The following TRPC4 variants were observed in gnomAD, a reference collection of about 807,000 sequenced individuals.
TRPC4 encodes the protein transient receptor potential cation channel subfamily C member 4, also known as short transient receptor potential channel 4.
In TRPC4, 49 loss-of-function variants were observed where a neutral mutation model predicts 99.4. That is an observed-to-expected ratio of 0.49 (90% CI 0.39 to 0.63). TRPC4 has a LOEUF of 0.63. Ranked by LOEUF, TRPC4 falls within the 20% of genes least tolerant of loss-of-function variation. TRPC4 has a pLI of 0.00. For missense variants in TRPC4, 898 were observed against 1,152.9 expected, an observed-to-expected ratio of 0.78 and a Z score of 3.20; for synonymous variants, 454 against 425.9, an observed-to-expected ratio of 1.07 and a Z score of -0.81.
intron 8 of TRPC4, among the ~76,000 whole-genome samples, chr13:37,649,746 AAAAAAAAAAAAAAACAAC>A (rs1951969691): frequency 1.4e-5 from 2 of 145,966 alleles, no homozygotes; most frequent in Admixed American, 7.0e-5. Context: ...AAAAAAAAAA[AAAAAAAAAAAAAAACAAC>A]AACAAAGAAC....
At chr13:37,766,386 A>T (rs758342780) in intron 2 of TRPC4, among the ~76,000 whole-genome samples, 11 of 150,236 alleles carry the variant, frequency 7.3e-5, no homozygotes, top group Non-Finnish European at 1.2e-4. Context: ...AACGAAATTA[A>T]CGCAAACTTT....
At chr13:37,668,807 G>C (rs1177199861) in intron 5 of TRPC4, among the ~76,000 whole-genome samples, 1 of 152,164 alleles carries the variant, frequency 6.6e-6, no homozygotes, top group Non-Finnish European at 1.5e-5. Flanking sequence ...GTTTTAATGT[G>C]TGCTTTACAT....
intron 3 of TRPC4, among the ~76,000 whole-genome samples, chr13:37,714,051 CCCT>C (rs1004690669): frequency 2.6e-5 from 4 of 151,296 alleles, no homozygotes; most frequent in African/African-American, 9.7e-5. Flanking sequence ...TTCCTTCCTT[CCCT>C]CCTTCCTTCC....
intron 1 of TRPC4, among the ~76,000 whole-genome samples, chr13:37,852,859 C>T (rs1959093682): frequency 6.6e-6 from 1 of 152,108 alleles, no homozygotes; most frequent in Admixed American, 6.5e-5. Flanking sequence ...GTGATGCCCA[C>T]CAGATGAAGC....
chr13:37,658,783 T>C (rs554034220), intron 6 of TRPC4, among the ~76,000 whole-genome samples: 3 of 152,140 alleles, frequency 2.0e-5, no homozygotes, highest in Admixed American at 6.5e-5. Context: ...AATGAGAAAA[T>C]AACCTGGAAA....
At chr13:37,731,050 A>T (rs1051617257) in intron 3 of TRPC4, among the ~76,000 whole-genome samples, 4 of 152,160 alleles carry the variant, frequency 2.6e-5, no homozygotes, top group Non-Finnish European at 5.9e-5. Flanking sequence ...TGAGTTATTA[A>T]GAAAAAAAAT....
intron 2 of TRPC4, among the ~76,000 whole-genome samples, chr13:37,764,130 A>T (rs77331700): frequency 0.067 from 10,091 of 151,608 alleles, 431 homozygotes; most frequent in Non-Finnish European, 0.091. Context: ...CTGAGTATGA[A>T]CAAGGCCCAG....
At chr13:37,864,852 A>T (rs960787726) in intron 1 of TRPC4, among the ~76,000 whole-genome samples, 3 of 151,782 alleles carry the variant, frequency 2.0e-5, no homozygotes, top group African/African-American at 7.2e-5. Flanking sequence ...GAATATTTTT[A>T]CAGAAACAAA....
chr13:37,847,901 G>T, intron 1 of TRPC4, among the ~76,000 whole-genome samples: 1 of 152,054 alleles, frequency 6.6e-6, no homozygotes, highest in East Asian at 1.9e-4. Flanking sequence ...GAAATGGGGA[G>T]GTGGTGACCA....
chr13:37,767,153 C>T (rs1313956656), intron 2 of TRPC4, among the ~76,000 whole-genome samples: 1 of 151,188 alleles, frequency 6.6e-6, no homozygotes, highest in East Asian at 2.0e-4. Flanking sequence ...TTAATAATTT[C>T]CTTCTCATTC....
intron 2 of TRPC4, among the ~76,000 whole-genome samples, chr13:37,772,042 C>T (rs79300497): frequency 0.015 from 2,248 of 151,640 alleles, 44 homozygotes; most frequent in African/African-American, 0.051. Context: ...TGCCCAGGCA[C>T]GTCAAATCAA....
At chr13:37,660,623 G>T (rs1483648122) in intron 6 of TRPC4, among the ~76,000 whole-genome samples, 3 of 152,140 alleles carry the variant, frequency 2.0e-5, no homozygotes, top group African/African-American at 7.2e-5. Flanking sequence ...AGATATGTGA[G>T]AGATAATCCT....
chr13:37,785,603 T>C (rs1335589381), intron 1 of TRPC4, among the ~76,000 whole-genome samples: 1 of 152,088 alleles, frequency 6.6e-6, no homozygotes, highest in East Asian at 1.9e-4. Context: ...ACACACGCAC[T>C]TACACACATG....
chr13:37,856,390 T>TAAA (rs34818320), intron 1 of TRPC4, among the ~76,000 whole-genome samples: 3 of 110,054 alleles, frequency 2.7e-5, no homozygotes, highest in African/African-American at 1.0e-4. Context: ...AGTCTCCTAG[T>TAAA]AAAAAAAAAA....
chr13:37,811,648 A>C (rs1277632152), intron 1 of TRPC4, among the ~76,000 whole-genome samples: 1 of 152,148 alleles, frequency 6.6e-6, no homozygotes, highest in Non-Finnish European at 1.5e-5. Context: ...CATACATATA[A>C]GGAATTACCA....
chr13:37,721,445 T>G (rs1243032649), intron 3 of TRPC4, among the ~76,000 whole-genome samples: 1 of 152,152 alleles, frequency 6.6e-6, no homozygotes, highest in Non-Finnish European at 1.5e-5. Context: ...AGAGGCTATC[T>G]TAGGGTTTAT....
At chr13:37,653,450 AAAGG>A (rs201235955) in intron 7 of TRPC4, among the ~76,000 whole-genome samples, 57 of 152,222 alleles carry the variant, frequency 3.7e-4, no homozygotes, top group Admixed American at 5.2e-4. Flanking sequence ...AAAGAAAAAG[AAAGG>A]AAGGAAGGAA....
intron 2 of TRPC4, among the ~76,000 whole-genome samples, chr13:37,749,034 G>T (rs896757519): frequency 2.6e-5 from 4 of 152,112 alleles, no homozygotes; most frequent in Non-Finnish European, 5.9e-5. Flanking sequence ...GGATCATGGG[G>T]ATGGTTTCTC....
At chr13:37,740,911 G>A (rs976534633) in intron 3 of TRPC4, among the ~76,000 whole-genome samples, 68 of 152,046 alleles carry the variant, frequency 4.5e-4, no homozygotes, top group Non-Finnish European at 4.4e-5. Context: ...CATGAGCAGC[G>A]GGCTGTTCAA....
Sources: gnomAD v4.1 joint callset for allele counts (sites outside exome capture counted in the v4.1 genomes callset) on GRCh38, gnomAD v4.1.1 for gene constraint, MANE v1.5 for transcripts, NCBI Gene and HGNC (gene_info 2026-07-23, HGNC 2026-07-21) for gene names.